The following ZSCAN4 variants were observed in gnomAD, a reference collection of about 807,000 sequenced individuals.
ZSCAN4 encodes the protein zinc finger and SCAN domain containing 4, also known as zinc finger and SCAN domain-containing protein 4.
A neutral mutation model predicts 18.3 loss-of-function variants in ZSCAN4; 18 were observed. The ratio of observed to expected loss-of-function variants is 0.98; its 90% CI spans 0.68 to 1.46. The LOEUF (loss-of-function observed/expected upper bound fraction) is 1.46, where lower values mean the gene tolerates loss of function less well. Ranked by LOEUF, ZSCAN4 falls within the 40% of genes most tolerant of loss-of-function variation. The pLI is 0.00. For missense variants in ZSCAN4, 498 were observed against 511.4 expected (o/e 0.97, Z 0.25); for synonymous variants, 193 against 180.3 (o/e 1.07, Z -0.57).
In ZSCAN4 at chr19:57,674,873, T is replaced by C. The variant is rs77161012; in HGVS notation, c.-105-1168T>C. On this transcript the variant is annotated intron_variant, in intron 2 of 4. Transcript: ENST00000318203. Reference sequence around the variant, plus strand: ...TCACTGGTTAGGGAGCAATCCAATGTTTCATAGAGATGATAGCTCAAGCAG... The same window carrying C: ...TCACTGGTTAGGGAGCAATCCAATGCTTCATAGAGATGATAGCTCAAGCAG... Among the ~76,000 whole-genome samples the C allele has an allele frequency of 5.2e-3, 787 of 152,254 alleles. 7 individuals carry two copies. Among genetic ancestry groups the C allele is most frequent in the African/African-American group, 0.017 (723 of 41,554 alleles).
the ZSCAN4 span, among the ~76,000 whole-genome samples, chr19:57,652,296 G>C: frequency 6.6e-6 from 1 of 152,166 alleles, no homozygotes; most frequent in African/African-American, 2.4e-5. Context: ...AATGATAGTT[G>C]ATGGCCGGAA....
At chr19:57,665,693 G>T (rs1018966727), upstream of ZSCAN4, among the ~76,000 whole-genome samples, 13 of 152,110 alleles carry the variant, frequency 8.5e-5, no homozygotes, top group Non-Finnish European at 1.9e-4. Flanking sequence ...GCTGAGGCGG[G>T]TGGATCACCA....
the ZSCAN4 span, among the ~76,000 whole-genome samples, chr19:57,657,479 C>G: frequency 6.6e-6 from 1 of 152,140 alleles, no homozygotes; most frequent in African/African-American, 2.4e-5. Flanking sequence ...TCACACCTAG[C>G]TGTTGAAGGT....
the ZSCAN4 span, among the ~76,000 whole-genome samples, chr19:57,659,564 A>G: frequency 5.3e-5 from 8 of 152,316 alleles, no homozygotes; most frequent in Admixed American, 2.6e-4. Flanking sequence ...CCTGGTCTCA[A>G]TAAATAGTTT....
At chr19:57,672,167 C>T (rs953777094) in intron 2 of ZSCAN4, among the ~76,000 whole-genome samples, 1 of 152,046 alleles carries the variant, frequency 6.6e-6, no homozygotes, top group Admixed American at 6.6e-5. Flanking sequence ...GAATCCTAAA[C>T]ATCAGTAGGA....
upstream of ZSCAN4, among the ~76,000 whole-genome samples, chr19:57,667,914 G>T (rs1402604813): frequency 1.3e-5 from 2 of 151,212 alleles, no homozygotes; most frequent in African/African-American, 4.9e-5. Flanking sequence ...TTGTTTGTTT[G>T]TTTTTGAGAC....
upstream of ZSCAN4, among the ~76,000 whole-genome samples, chr19:57,666,386 C>A (rs1003031617): frequency 6.6e-6 from 1 of 152,056 alleles, no homozygotes; most frequent in Non-Finnish European, 1.5e-5. Flanking sequence ...TGGAGTGGTG[C>A]GGTCCAAGTG....
chr19:57,678,972 T>C, exon 5 of ZSCAN4: 1 of 1,447,466 alleles, frequency 6.9e-7, no homozygotes, highest in Non-Finnish European at 9.2e-7. Context: ...ATTTATCTAC[T>C]TAGGATATAA....
the ZSCAN4 span, among the ~76,000 whole-genome samples, chr19:57,656,429 C>T: frequency 1.1e-4 from 17 of 152,226 alleles, no homozygotes; most frequent in African/African-American, 4.1e-4. Flanking sequence ...ACATCCACAA[C>T]CACTTCCATG....
At chr19:57,664,886 C>CA (rs1379245517), upstream of ZSCAN4, 1 of 158,592 alleles carries the variant, frequency 6.3e-6, no homozygotes, top group African/African-American at 2.4e-5. Context: ...TCAAAAACGC[C>CA]AAAAAGGAAA....
the ZSCAN4 span, among the ~76,000 whole-genome samples, chr19:57,659,126 A>G: frequency 6.6e-6 from 1 of 152,060 alleles, no homozygotes; most frequent in Non-Finnish European, 1.5e-5. Flanking sequence ...CTTAAATGTC[A>G]TTTTCACTGT....
At chr19:57,678,616 G>C in exon 5 of ZSCAN4, 1 of 1,614,036 alleles carries the variant, frequency 6.2e-7, no homozygotes, top group Non-Finnish European at 8.5e-7. Flanking sequence ...AGGAATGAGA[G>C]GCCATTTGTT....
the ZSCAN4 span, among the ~76,000 whole-genome samples, chr19:57,660,511 G>A: frequency 3.3e-5 from 5 of 152,114 alleles, no homozygotes; most frequent in African/African-American, 7.2e-5. Flanking sequence ...TTTTTCTACC[G>A]TTTAAATGAG....
chr19:57,656,018 T>G, the ZSCAN4 span, among the ~76,000 whole-genome samples: 7 of 152,090 alleles, frequency 4.6e-5, no homozygotes, highest in Non-Finnish European at 1.0e-4. Context: ...GGGTCAATAT[T>G]TACACTAACT....
At chr19:57,671,376 C>T (rs145384392) in intron 2 of ZSCAN4, among the ~76,000 whole-genome samples, 155 of 151,498 alleles carry the variant, frequency 1.0e-3, no homozygotes, top group Admixed American at 1.4e-3. Flanking sequence ...CTATGTGGGA[C>T]GGAGTGCATG....
chr19:57,672,755 A>G (rs59470677), intron 2 of ZSCAN4, among the ~76,000 whole-genome samples: 1 of 152,082 alleles, frequency 6.6e-6, no homozygotes, highest in African/African-American at 2.4e-5. Flanking sequence ...GGTGCATGCC[A>G]CCACACCCAA....
the ZSCAN4 span, among the ~76,000 whole-genome samples, chr19:57,658,639 G>A: frequency 2.6e-5 from 4 of 152,054 alleles, no homozygotes; most frequent in Admixed American, 2.6e-4. Flanking sequence ...TTCAAGACTA[G>A]CTTGGCCAAC....
chr19:57,678,298 A>T, exon 5 of ZSCAN4: 1 of 1,614,184 alleles, frequency 6.2e-7, no homozygotes. Context: ...AGGCCTGAAG[A>T]GGGAGGTGTT....
intron 2 of ZSCAN4, among the ~76,000 whole-genome samples, chr19:57,673,413 C>T (rs1984082512): frequency 6.6e-6 from 1 of 152,178 alleles, no homozygotes; most frequent in Non-Finnish European, 1.5e-5. Context: ...GGAGCAGTCA[C>T]TTGAGTCCAG....
Sources: allele counts gnomAD v4.1 joint callset (sites outside exome capture counted in the v4.1 genomes callset), GRCh38; gene constraint gnomAD v4.1.1; transcripts MANE v1.5; gene names NCBI Gene and HGNC (gene_info 2026-07-23, HGNC 2026-07-21).